Variants in FGGY observed in about 807,000 individuals in gnomAD.
FGGY encodes FGGY carbohydrate kinase domain containing.
A neutral mutation model predicts 71.3 loss-of-function variants in FGGY; 72 were observed. The observed-to-expected ratio is 1.01, with a 90% CI of 0.84 to 1.23. The LOEUF is 1.23. FGGY is among the 50% of genes most tolerant of loss of function. The probability of loss-of-function intolerance (pLI) is 0.00; values close to 1 mark genes in which losing one functional copy is unlikely to be tolerated. For missense variants in FGGY, 668 were observed against 682.3 expected (o/e 0.98, Z 0.23); for synonymous variants, 251 against 250.3 (o/e 1.00, Z -0.02).
At chr1:59,634,494 A>C (rs140265677) in intron 10 of FGGY, among the ~76,000 whole-genome samples, 181 of 152,276 alleles carry the variant, frequency 1.2e-3, no homozygotes, top group African/African-American at 4.2e-3. Flanking sequence ...TAGAAAAGGC[A>C]CAAGTATATT....
chr1:59,625,806 G>A (rs149932383), intron 9 of FGGY, among the ~76,000 whole-genome samples, 182 bp from the exon 10 acceptor site: 4 of 152,238 alleles, frequency 2.6e-5, no homozygotes, highest in Admixed American at 6.5e-5. Context: ...GCTAGCAGTA[G>A]GTTAAATCAA....
At position 59,505,251 on chromosome 1, in the gene FGGY, G is replaced by C. The variant is rs557175268; in HGVS notation, c.671-7060G>C. Among the ~76,000 whole-genome samples the C allele has an allele frequency of 3.9e-5, 6 of 152,318 alleles. No homozygotes were observed. The East Asian group carries it at 1.2e-3, about 29-fold the overall frequency. On this transcript the variant is annotated intron_variant, in intron 6 of 15. Coordinates refer to ENST00000303721, the MANE Select transcript of FGGY (RefSeq NM_018291.5). ...GGGAATAGTGTCGACTAGAAAGTAA[G>C]CTACTTGAGCGTAGGGGCCTTAACT... is the stretch of plus-strand genomic sequence containing the variant.
At position 59,739,319 on chromosome 1, in the gene FGGY, G is replaced by A. The variant is rs117115114; in HGVS notation, c.1513-18612G>A. Reference sequence around the variant, plus strand: ...TTTTTTAATTGCTTGGTAGAGATAAGTTTGGCTTCTGCAAATAAACTAGCA... The same window carrying A: ...TTTTTTAATTGCTTGGTAGAGATAAATTTGGCTTCTGCAAATAAACTAGCA... On this transcript the variant is annotated intron_variant, in intron 14 of 15. Coordinates refer to ENST00000303721, the MANE Select transcript of FGGY (RefSeq NM_018291.5). Among the ~76,000 whole-genome samples, 34 of 152,306 alleles carry A rather than the reference G, an allele frequency of 2.2e-4. No homozygotes were observed. The East Asian group carries it at 4.8e-3, about 22-fold the overall frequency.
At chr1:59,641,326 C>T (rs558163557) in intron 11 of FGGY, 3 of 1,603,628 alleles carry the variant, frequency 1.9e-6, no homozygotes, top group Middle Eastern at 1.7e-4. Flanking sequence ...GCGTTGCACT[C>T]TCCCAGTTCT....
chr1:59,448,565 A>G (rs2071877451), intron 5 of FGGY, among the ~76,000 whole-genome samples: 1 of 152,226 alleles, frequency 6.6e-6, no homozygotes, highest in African/African-American at 2.4e-5. Flanking sequence ...TCTAGGCTTT[A>G]TAATAGAAGC....
intron 6 of FGGY, among the ~76,000 whole-genome samples, chr1:59,503,983 G>C (rs2153613848): frequency 6.6e-6 from 1 of 152,210 alleles, no homozygotes; most frequent in East Asian, 1.9e-4. Context: ...TGGAAAGAAT[G>C]CTACACAGAG....
intron 14 of FGGY, chr1:59,697,657 T>C (rs772138486): frequency 7.7e-7 from 1 of 1,303,880 alleles, no homozygotes; most frequent in Non-Finnish European, 1.0e-6. Flanking sequence ...GTGGGGGAAA[T>C]AGATAGCTCA....
intron 5 of FGGY, among the ~76,000 whole-genome samples, chr1:59,416,171 G>T (rs967626774): frequency 5.9e-5 from 9 of 152,080 alleles, no homozygotes; most frequent in African/African-American, 1.9e-4. Flanking sequence ...TCAGTTAGTT[G>T]CAGTGGGGAA....
chr1:59,552,662 T>C (rs907497042), intron 7 of FGGY, among the ~76,000 whole-genome samples: 1 of 152,152 alleles, frequency 6.6e-6, no homozygotes, highest in Admixed American at 6.5e-5. Flanking sequence ...GAGTATAGAC[T>C]GAACTTCCTT....
At chr1:59,365,132 T>G (rs1360532187) in intron 4 of FGGY, among the ~76,000 whole-genome samples, 1 of 152,192 alleles carries the variant, frequency 6.6e-6, no homozygotes, top group East Asian at 1.9e-4. Flanking sequence ...GTTTCAGATT[T>G]GGCACGTTAT....
At chr1:59,538,250 C>T (rs1311223720) in intron 7 of FGGY, among the ~76,000 whole-genome samples, 3 of 151,954 alleles carry the variant, frequency 2.0e-5, no homozygotes, top group Non-Finnish European at 2.9e-5. Flanking sequence ...AAAATGCTCA[C>T]CATCACTGGC....
chr1:59,575,768 A>T (rs986552456), intron 8 of FGGY, among the ~76,000 whole-genome samples: 17 of 152,300 alleles, frequency 1.1e-4, no homozygotes, highest in African/African-American at 3.6e-4. Flanking sequence ...TTATTTTTTT[A>T]AAATGTGCAT....
chr1:59,586,426 A>G lies in FGGY; in HGVS notation c.904-21377A>G, dbSNP rs373228518. ...GCAAGGACAAAAAACCAAACACCAC[A>G]TGTTCTCACTCATAGGTGGGAATTG... On this transcript the variant is annotated intron_variant, in intron 8 of 15. Coordinates refer to ENST00000303721, the MANE Select transcript of FGGY (RefSeq NM_018291.5). Among the ~76,000 whole-genome samples the G allele has an allele frequency of 8.5e-5, 13 of 152,090 alleles. No homozygotes were observed. The East Asian group carries it at 1.7e-3, about 20-fold the overall frequency.
At chr1:59,346,219 A>G in intron 3 of FGGY, 28 bp from the exon 4 acceptor site, 2 of 1,611,898 alleles carry the variant, frequency 1.2e-6, no homozygotes, top group Middle Eastern at 1.8e-4. Context: ...ATGTGTGTCC[A>G]TCTGCATCTC....
chr1:59,401,522 G>T (rs1160100026), intron 5 of FGGY, among the ~76,000 whole-genome samples: 1 of 152,160 alleles, frequency 6.6e-6, no homozygotes, highest in East Asian at 1.9e-4. Flanking sequence ...GAACATTGTT[G>T]CCATGTTAAA....
At chr1:59,690,239 G>A (rs2097578398) in intron 14 of FGGY, among the ~76,000 whole-genome samples, 1 of 152,140 alleles carries the variant, frequency 6.6e-6, no homozygotes, top group African/African-American at 2.4e-5. Context: ...AAAAGTGATA[G>A]AGGGGATTCA....
intron 7 of FGGY, among the ~76,000 whole-genome samples, chr1:59,546,522 TGATG>T (rs1558303121): frequency 2.7e-4 from 37 of 138,292 alleles, no homozygotes; most frequent in Admixed American, 4.2e-4. Context: ...ATGATGATGA[TGATG>T]ATGATGATGA....
intron 14 of FGGY, among the ~76,000 whole-genome samples, chr1:59,716,472 C>G (rs1263002095): frequency 6.6e-6 from 1 of 152,144 alleles, no homozygotes; most frequent in Admixed American, 6.5e-5. Flanking sequence ...GATCTCTGAG[C>G]TCCCAGGAAT....
chr1:59,572,558 G>C lies in FGGY; in HGVS notation c.903+18331G>C, dbSNP rs115293245. 2.6e-5 allele frequency among the ~76,000 whole-genome samples: 4 copies of C among 152,276 alleles called. No individual in the cohort carries two copies. The East Asian group carries it at 7.7e-4, about 29-fold the overall frequency. On this transcript the variant is annotated intron_variant, in intron 8 of 15. Transcript: ENST00000303721. ...ATAATTCCAGTTTGGAGAACAAATT[G>C]GCAAGAGACCTGAGTGGTACTAGGA...
Sources: allele counts gnomAD v4.1 joint callset (sites outside exome capture counted in the v4.1 genomes callset), GRCh38; gene constraint gnomAD v4.1.1; transcripts MANE v1.5; gene names NCBI Gene and HGNC (gene_info 2026-07-23, HGNC 2026-07-21).